The following SLC18A3 variants were observed in gnomAD, a reference collection of about 807,000 sequenced individuals.
The protein encoded by SLC18A3 is solute carrier family 18 member A3.
A neutral mutation model predicts 24.2 loss-of-function variants in SLC18A3; 18 were observed. That is an observed-to-expected ratio of 0.74 (90% CI 0.51 to 1.10). The LOEUF is 1.10. Ranked by LOEUF, SLC18A3 falls within the 50% of genes least tolerant of loss-of-function variation. The probability of loss-of-function intolerance (pLI) is 0.00; values close to 1 mark genes in which losing one functional copy is unlikely to be tolerated. For missense variants in SLC18A3, 744 were observed against 750.7 expected (o/e 0.99, Z 0.10); for synonymous variants, 415 against 355.4 (o/e 1.17, Z -1.89).
In SLC18A3 at chr10:49,612,253, T is replaced by C; in HGVS notation, c.1513T>C (p.Ser505Pro). Residue 505 changes from serine to proline, a missense_variant, in exon 1 of 1, where the codon TCT becomes CCT. By Grantham distance (74) the Ser-to-Pro change is moderately conservative. Coordinates refer to ENST00000374115, the MANE Select transcript of SLC18A3 (RefSeq NM_003055.3). ...DAVRLRERPVSGQDGEPRSPP... is the reference protein window; with the variant it reads ...DAVRLRERPVPGQDGEPRSPP... The stretch of plus-strand genomic sequence containing the variant: ...GGTGCGCCTGCGTGAGCGTCCTGTG[T>C]CTGGCCAGGACGGCGAGCCTCGCAG... 1 of 1,610,482 alleles carries C rather than the reference T, an allele frequency of 6.2e-7. No individual in the cohort carries two copies. The highest frequency in any genetic ancestry group is 8.5e-7 in the Non-Finnish European group (1 of 1,179,986).
Position 49,612,131 on chromosome 10 carries a change from C to G in SLC18A3, c.1391C>G (p.Pro464Arg). The part of the protein sequence containing the change: ...GMGLANLLYA[P>R]VLLLLRNVGL... ...GGACTGGCCAACCTGCTCTATGCTC[C>G]CGTCTTGCTGCTGCTCCGCAACGTG... The change falls in exon 1 of 1, where the codon CCC (proline) becomes CGC (arginine). Residue 464 changes from proline to arginine, a missense_variant. This residue lies in a region of SLC18A3 where 160 missense variants were observed against 140.9 expected (regional missense o/e 1.14). Coordinates refer to ENST00000374115, the MANE Select transcript of SLC18A3 (RefSeq NM_003055.3). 1 of 1,612,308 alleles carries G rather than the reference C, an allele frequency of 6.2e-7. No homozygotes were observed.
chr10:49,610,665 C>A lies in SLC18A3; in HGVS notation c.-76C>A. On this transcript the variant is annotated 5_prime_UTR_variant, in exon 1 of 1. Transcript: ENST00000374115. The stretch of plus-strand genomic sequence containing the variant: ...AGGACAGCCTCCCCGAAGTCCCGTG[C>A]CCTCGCCTCTGCACTGCGGGACGCC... 2 of 1,386,018 alleles carry A rather than the reference C, an allele frequency of 1.4e-6. No homozygotes were observed. The highest frequency in any genetic ancestry group is 5.4e-5 in the East Asian group (2 of 37,374). 85.9% of individuals were successfully genotyped at this position (1,386,018 alleles called of 1,614,324 possible).
chr10:49,611,795 A>G lies in SLC18A3; in HGVS notation c.1055A>G (p.Tyr352Cys). 1 of 1,603,190 alleles carries G rather than the reference A, an allele frequency of 6.2e-7. No individual in the cohort carries two copies. The highest frequency in any genetic ancestry group is 8.5e-7 in the Non-Finnish European group (1 of 1,179,818). ...CTCACCGTGCGCCTGGCGGCGCGCT[A>G]CCCACACCTGCAGTGGCTGTACGGC... Reference protein sequence around the residue: ...VYLTVRLAARYPHLQWLYGAL... With the variant: ...VYLTVRLAARCPHLQWLYGAL... The change falls in exon 1 of 1, where the codon TAC (tyrosine) becomes TGC (cysteine). Residue 352 changes from tyrosine (Y) to cysteine (C), a missense_variant. Around this residue, in one of 3 missense-constraint regions of SLC18A3, gnomAD observed 566 missense variants for 566.2 expected, o/e 1.00. Transcript: ENST00000374115.
rs759417045 is a variant in SLC18A3 at position 49,611,382 on chromosome 10, G to A, written c.642G>A (p.Leu214=). The change falls in exon 1 of 1, where the codon CTG becomes CTA. Residue 214 remains leucine (L), a synonymous_variant. Transcript: ENST00000374115. The part of the protein sequence containing the change: ...YPEEPERSRA[L]GVALAFISFG... ...AGGAGCCGGAGCGCAGTCGTGCACT[G>A]GGCGTGGCGCTGGCCTTCATTAGCT... is the stretch of plus-strand genomic sequence containing the variant. 8 of 1,599,330 alleles carry A rather than the reference G, an allele frequency of 5.0e-6. No individual in the cohort carries two copies. The Admixed American group carries it at 1.0e-4, about 20-fold the overall frequency.
Position 49,611,022 on chromosome 10 carries a change from G to T in SLC18A3, c.282G>T (p.Thr94=). 1 of 1,613,852 alleles carries T rather than the reference G, an allele frequency of 6.2e-7. No individual in the cohort carries two copies. The highest frequency in any genetic ancestry group is 8.5e-7 in the Non-Finnish European group (1 of 1,179,894). The stretch of plus-strand genomic sequence containing the variant: ...CTCCGGCCAATGCCAGCGCCTACAC[G>T]GCCAACACCTCGGCGTCCCCGACAG... ...LPTPANASAY[T]ANTSASPTAA... Residue 94 remains threonine, a synonymous_variant, in exon 1 of 1, where the codon ACG becomes ACT. Coordinates refer to ENST00000374115, the MANE Select transcript of SLC18A3 (RefSeq NM_003055.3).
rs1173458008 is a variant in SLC18A3 at position 49,612,508 on chromosome 10, C to T, written c.*169C>T. ...CCTCCCTGTGACCCGTTCCATATCC[C>T]TTTCTCTCTTGTCCAATGGGGCTTG... On this transcript the variant is annotated 3_prime_UTR_variant, in exon 1 of 1. Transcript: ENST00000374115. 1.5e-5 allele frequency: 10 copies of T among 669,360 alleles called. No individual in the cohort carries two copies. Among genetic ancestry groups the T allele is most frequent in the Admixed American group, 3.1e-5 (1 of 32,260 alleles). The allele number at this position is 669,360 out of a possible 1,614,324, so 41.5% of individuals were successfully genotyped here.
In SLC18A3 at chr10:49,610,933, C is replaced by A; in HGVS notation, c.193C>A (p.Arg65Ser). ...PIVPDYIAHM[R>S]GGGEGPTRTP... is the part of the protein sequence containing the mutation. ...AGTGCCCGACTACATCGCCCACATG[C>A]GCGGGGGCGGCGAGGGCCCCACCCG... is the stretch of plus-strand genomic sequence containing the variant. Residue 65 changes from arginine (R) to serine (S), a missense_variant, in exon 1 of 1, where the codon CGC becomes AGC. By Grantham distance (110) the Arg-to-Ser change is moderately radical. Transcript: ENST00000374115. 15 of 1,610,700 alleles carry A rather than the reference C, an allele frequency of 9.3e-6. No individual in the cohort carries two copies. The highest frequency in any genetic ancestry group is 1.3e-5 in the Non-Finnish European group (15 of 1,177,994).
rs142721677 is a variant in SLC18A3, at chr10:49,611,111, T to C, written c.371T>C (p.Ile124Thr). Residue 124 changes from isoleucine to threonine, a missense_variant, in exon 1 of 1, where the codon ATC (isoleucine) becomes ACC (threonine). By Grantham distance (89) the Ile-to-Thr change is moderately conservative (BLOSUM62 -1). Around this residue, in one of 3 missense-constraint regions of SLC18A3, gnomAD observed 566 missense variants for 566.2 expected, o/e 1.00. Transcript: ENST00000374115. Reference sequence around the variant, plus strand: ...CCTACGGAGAGCGAAGACGTGAAGATCGGGGTGCTGTTTGCTTCCAAGGCT... The same window carrying C: ...CCTACGGAGAGCGAAGACGTGAAGACCGGGGTGCTGTTTGCTTCCAAGGCT... ...RYPTESEDVKIGVLFASKAIL... is the reference protein window; with the variant it reads ...RYPTESEDVKTGVLFASKAIL... 3.1e-6 allele frequency: 5 copies of C among 1,613,964 alleles called. No individual in the cohort carries two copies. The African/African-American group carries it at 5.3e-5, about 17-fold the overall frequency.
chr10:49,612,095 G>A lies in SLC18A3; in HGVS notation c.1355G>A (p.Ser452Asn). 1 of 1,613,280 alleles carries A rather than the reference G, an allele frequency of 6.2e-7. No homozygotes were observed. The highest frequency in any genetic ancestry group is 8.5e-7 in the Non-Finnish European group (1 of 1,179,746). Residue 452 changes from serine (S) to asparagine (N), a missense_variant, in exon 1 of 1, where the codon AGC becomes AAC. Around this residue, in one of 3 missense-constraint regions of SLC18A3, gnomAD observed 160 missense variants for 140.9 expected, o/e 1.14. Transcript: ENST00000374115. ...CACTCGCTGGGCTTTGAGCAGCTCAGCCTTGGCATGGGACTGGCCAACCTG... is the reference window on the plus strand; with the variant it reads ...CACTCGCTGGGCTTTGAGCAGCTCAACCTTGGCATGGGACTGGCCAACCTG... ...IVHSLGFEQL[S>N]LGMGLANLLY...
chr10:49,611,196 C>G lies in SLC18A3; in HGVS notation c.456C>G (p.Asp152Glu). ...SGPFIDRMSY[D>E]VPLLIGLGVM... ...CCTTCATCGACCGCATGAGCTACGA[C>G]GTGCCGCTGCTGATCGGCCTGGGCG... is the stretch of plus-strand genomic sequence containing the variant. Residue 152 changes from aspartate (D) to glutamate (E), a missense_variant, in exon 1 of 1, where the codon GAC (aspartate) becomes GAG (glutamate). Asp to Glu is a conservative substitution (Grantham distance 45, BLOSUM62 2). Coordinates refer to ENST00000374115, the MANE Select transcript of SLC18A3 (RefSeq NM_003055.3). 1 of 1,614,132 alleles carries G rather than the reference C, an allele frequency of 6.2e-7. No individual in the cohort carries two copies. Among genetic ancestry groups the G allele is most frequent in the Non-Finnish European group, 8.5e-7 (1 of 1,179,998 alleles).
At position 49,612,121 on chromosome 10, in the gene SLC18A3, C is replaced by T. The variant is rs1222945458; in HGVS notation, c.1381C>T (p.Leu461Phe). ...CCTTGGCATGGGACTGGCCAACCTG[C>T]TCTATGCTCCCGTCTTGCTGCTGCT... is the stretch of plus-strand genomic sequence containing the variant. The part of the protein sequence containing the change: ...LSLGMGLANL[L>F]YAPVLLLLRN... Residue 461 changes from leucine (L) to phenylalanine (F), a missense_variant, in exon 1 of 1, where the codon CTC becomes TTC. Leu to Phe is a conservative substitution (Grantham distance 22). Coordinates refer to ENST00000374115, the MANE Select transcript of SLC18A3 (RefSeq NM_003055.3). 3.7e-6 allele frequency: 6 copies of T among 1,612,340 alleles called. No individual in the cohort carries two copies. The highest frequency in any genetic ancestry group is 5.1e-6 in the Non-Finnish European group (6 of 1,179,504).
In SLC18A3 at chr10:49,610,808, C is replaced by A; in HGVS notation, c.68C>A (p.Ala23Glu). The A allele has an allele frequency of 6.3e-7, 1 of 1,595,442 alleles. No individual in the cohort carries two copies. The highest frequency in any genetic ancestry group is 8.5e-7 in the Non-Finnish European group (1 of 1,171,582). Residue 23 changes from alanine (A) to glutamate (E), a missense_variant, in exon 1 of 1, where the codon GCG (alanine) becomes GAG (glutamate). Physicochemically the swap from Ala to Glu is moderately radical, Grantham distance 107 (BLOSUM62 -1). Transcript: ENST00000374115. ...AATKLSEAVG[A>E]ALQEPRRQRR... ...ACCAAGCTGTCGGAGGCTGTGGGCG[C>A]GGCGCTGCAGGAGCCCCGGCGGCAG...
In SLC18A3 at chr10:49,612,170, G is replaced by T. The variant is rs1838317195; in HGVS notation, c.1430G>T (p.Arg477Leu). ...CTCCGCAACGTGGGCCTCCTGACGC[G>T]CTCCCGTTCCGAGCGCGATGTGCTG... ...LLLRNVGLLT[R>L]SRSERDVLLD... Residue 477 changes from arginine (R) to leucine (L), a missense_variant, in exon 1 of 1, where the codon CGC (arginine) becomes CTC (leucine). By Grantham distance (102) the Arg-to-Leu change is moderately radical (BLOSUM62 -2). Around this residue, in one of 3 missense-constraint regions of SLC18A3, gnomAD observed 160 missense variants for 140.9 expected, o/e 1.14. Coordinates refer to ENST00000374115, the MANE Select transcript of SLC18A3 (RefSeq NM_003055.3). The T allele has an allele frequency of 3.1e-6, 5 of 1,610,484 alleles. No individual in the cohort carries two copies. Among genetic ancestry groups the T allele is most frequent in the South Asian group, 2.2e-5 (2 of 91,060 alleles).
chr10:49,612,057 A>G lies in SLC18A3; in HGVS notation c.1317A>G (p.Ala439=), dbSNP rs1401360073. ...SVAYALGPIV[A]GHIVHSLGFE... is the part of the protein sequence containing the mutation. ...CCTACGCGCTCGGGCCCATAGTGGC[A>G]GGCCACATTGTGCACTCGCTGGGCT... The change falls in exon 1 of 1, where the codon GCA becomes GCG. Residue 439 remains alanine, a synonymous_variant. Coordinates refer to ENST00000374115, the MANE Select transcript of SLC18A3 (RefSeq NM_003055.3). 1.9e-6 allele frequency: 3 copies of G among 1,613,602 alleles called. No individual in the cohort carries two copies. In the South Asian group the frequency reaches 3.3e-5, roughly 18 times the overall value.
chr10:49,610,923 C>T lies in SLC18A3; in HGVS notation c.183C>T (p.Ile61=), dbSNP rs77672173. Residue 61 remains isoleucine, a synonymous_variant, in exon 1 of 1, where the codon ATC becomes ATT. Coordinates refer to ENST00000374115, the MANE Select transcript of SLC18A3 (RefSeq NM_003055.3). The stretch of plus-strand genomic sequence containing the variant: ...TCGTGCCCATAGTGCCCGACTACAT[C>T]GCCCACATGCGCGGGGGCGGCGAGG... ...MVIVPIVPDY[I]AHMRGGGEGP... The T allele has an allele frequency of 6.2e-7, 1 of 1,611,126 alleles. No individual in the cohort carries two copies. Among genetic ancestry groups the T allele is most frequent in the South Asian group, 1.1e-5 (1 of 90,864 alleles).
At position 49,611,291 on chromosome 10, in the gene SLC18A3, T is replaced by C; in HGVS notation, c.551T>C (p.Leu184Pro). The C allele has an allele frequency of 1.2e-6, 2 of 1,609,292 alleles. No individual in the cohort carries two copies. The highest frequency in any genetic ancestry group is 1.7e-6 in the Non-Finnish European group (2 of 1,179,922). The change falls in exon 1 of 1, where the codon CTG becomes CCG. Residue 184 changes from leucine (L) to proline (P), a missense_variant. Coordinates refer to ENST00000374115, the MANE Select transcript of SLC18A3 (RefSeq NM_003055.3). ...GCCACGCTGTTCGCGGCGCGCAGCC[T>C]GCAGGGCCTGGGCTCAGCCTTCGCC... is the stretch of plus-strand genomic sequence containing the variant. ...DYATLFAARS[L>P]QGLGSAFADT...
chr10:49,610,771 C>CGG lies in SLC18A3; in HGVS notation c.33_34dup (p.Ala12GlyfsTer46), dbSNP rs1209060907. Reference sequence around the variant, plus strand: ...ATCCGCGGAACCTGCGGGCCAGGCCCGGGCGGCGGCCACCAAGCTGTCGGA... The same window carrying CGG: ...ATCCGCGGAACCTGCGGGCCAGGCCCGGGGGCGGCGGCCACCAAGCTGTCGGA... On this transcript the variant is annotated frameshift_variant, in exon 1 of 1. Transcript: ENST00000374115. LOFTEE classifies it high-confidence loss of function. 1 of 1,558,538 alleles carries CGG rather than the reference C, an allele frequency of 6.4e-7. No individual in the cohort carries two copies. Among genetic ancestry groups the CGG allele is most frequent in the Non-Finnish European group, 8.7e-7 (1 of 1,154,120 alleles).
Position 49,612,433 on chromosome 10 carries a change from C to T in SLC18A3, c.*94C>T. ...CCAGCTCTGGCTCAGGGCCCACCTC[C>T]TCCAGCGAGTACCCCAGCCACTCCT... On this transcript the variant is annotated 3_prime_UTR_variant, in exon 1 of 1. Transcript: ENST00000374115. 1 of 1,260,394 alleles carries T rather than the reference C, an allele frequency of 7.9e-7. No homozygotes were observed. Among genetic ancestry groups the T allele is most frequent in the Non-Finnish European group, 1.1e-6 (1 of 903,392 alleles). 78.1% of individuals were successfully genotyped at this position (1,260,394 alleles called of 1,614,324 possible). A position where few individuals can be genotyped will look rare whatever the true frequency, so the allele number is the denominator to read the frequency against.
rs1838308148 is a variant in SLC18A3, at chr10:49,611,890, G to T, written c.1150G>T (p.Val384Leu). Residue 384 changes from valine (V) to leucine (L), a missense_variant, in exon 1 of 1, where the codon GTG becomes TTG. This residue lies in a region of SLC18A3 where 566 missense variants were observed against 566.2 expected (regional missense o/e 1.00). Transcript: ENST00000374115. ...CGCCTGCCGCTCCTTCGCGCCGCTA[G>T]TGGTCTCACTATGCGGCCTCTGTTT... Reference protein sequence around the residue: ...VPACRSFAPLVVSLCGLCFGI... With the variant: ...VPACRSFAPLLVSLCGLCFGI... 6.2e-7 allele frequency: 1 copy of T among 1,610,780 alleles called. No homozygotes were observed. Among genetic ancestry groups the T allele is most frequent in the African/African-American group, 1.3e-5 (1 of 74,956 alleles).
Sources: allele counts gnomAD v4.1 joint callset, GRCh38; gene constraint gnomAD v4.1.1; regional missense constraint gnomAD v4.1.1; transcripts MANE v1.5; gene names NCBI Gene and HGNC (gene_info 2026-07-23, HGNC 2026-07-21).